IL12RB1: variants seen among roughly 807,000 people sequenced by gnomAD.
The protein encoded by IL12RB1 is interleukin 12 receptor subunit beta 1.
IL12RB1 carries 64 observed loss-of-function variants against 94.4 expected under a neutral mutation model. The observed-to-expected ratio is 0.68, with a 90% CI of 0.55 to 0.83. The LOEUF (loss-of-function observed/expected upper bound fraction) is 0.83, where lower values mean the gene tolerates loss of function less well. Ranked by LOEUF, IL12RB1 falls within the 40% of genes least tolerant of loss-of-function variation. IL12RB1 has a pLI of 0.00. For synonymous variants in IL12RB1, 362 were observed against 355.5 expected, an observed-to-expected ratio of 1.02 and a Z score of -0.21; for missense variants, 814 against 855.6, an observed-to-expected ratio of 0.95 and a Z score of 0.61.
At chr19:18,081,253 A>G (rs1403359341) in intron 3 of IL12RB1, among the ~76,000 whole-genome samples, 4 of 151,594 alleles carry the variant, frequency 2.6e-5, no homozygotes, top group Non-Finnish European at 4.4e-5. Flanking sequence ...ATGCCACCAC[A>G]TGCGTCTAAG....
Position 18,086,915 on chromosome 19 carries a change from C to T in IL12RB1, c.-92G>A. ...GTCCCCACTCCGGAACACATTGAAG[C>T]TGAGCAAGGAGAAAAGACTGAAAAA... is the stretch of plus-strand genomic sequence containing the variant. On this transcript the variant is annotated 5_prime_UTR_variant, in exon 1 of 17. Coordinates refer to ENST00000593993, the MANE Select transcript of IL12RB1 (RefSeq NM_005535.3). 1 of 1,566,176 alleles carries T rather than the reference C, an allele frequency of 6.4e-7. No individual in the cohort carries two copies. The highest frequency in any genetic ancestry group is 8.7e-7 in the Non-Finnish European group (1 of 1,154,646).
chr19:18,094,887 T>G (rs773087115), intron 1 of IL12RB1, among the ~76,000 whole-genome samples: 1 of 151,790 alleles, frequency 6.6e-6, no homozygotes, highest in African/African-American at 2.4e-5. Context: ...CCAAAATATA[T>G]CCACAAAGGC....
At chr19:18,059,836 C>A in intron 16 of IL12RB1, 58 bp downstream of exon 16, 1 of 1,014,146 alleles carries the variant, frequency 9.9e-7, no homozygotes, top group South Asian at 1.4e-5. Context: ...ATGTCTAGCC[C>A]CCCCACCCCC....
intron 9 of IL12RB1, 113 bp downstream of exon 9, chr19:18,071,999 C>G: frequency 1.3e-6 from 1 of 751,668 alleles, no homozygotes; most frequent in Non-Finnish European, 2.4e-6. Flanking sequence ...CTAAATCAGG[C>G]ACTCCTTTAA....
chr19:18,089,573 C>G (rs988185098), upstream of IL12RB1, among the ~76,000 whole-genome samples: 1 of 147,720 alleles, frequency 6.8e-6, no homozygotes, highest in Non-Finnish European at 1.5e-5. Flanking sequence ...TGCAGTGAGC[C>G]GAGATCACAC....
At chr19:18,073,767 TC>T (rs568807440) in intron 7 of IL12RB1, among the ~76,000 whole-genome samples, 168 bp from the exon 8 acceptor site, 1 of 152,218 alleles carries the variant, frequency 6.6e-6, no homozygotes, top group Non-Finnish European at 1.5e-5. Context: ...ACAATTTGCA[TC>T]CCCAGGGATA....
intron 11 of IL12RB1, among the ~76,000 whole-genome samples, chr19:18,068,053 T>C (rs1246044663): frequency 8.9e-6 from 1 of 112,162 alleles, no homozygotes; most frequent in East Asian, 2.8e-4. Context: ...TGAGACAGAG[T>C]CTTGCTCTGT....
Position 18,072,338 on chromosome 19 carries a change from C to T in IL12RB1, c.795G>A (p.Leu265=), listed in dbSNP as rs1354576396. ...RLTLKEQPTQ[L]ELPEGCQGLA... ...GCCCTTGACAGCCTTCTGGAAGCTC[C>T]AGCTGGGTTGGCTGTCAGGAGTATG... Residue 265 remains leucine (L), a synonymous_variant, in exon 9 of 17, where the codon CTG becomes CTA. Transcript: ENST00000593993. The T allele has an allele frequency of 6.2e-7, 1 of 1,613,422 alleles. No individual in the cohort carries two copies. Among genetic ancestry groups the T allele is most frequent in the East Asian group, 2.2e-5 (1 of 44,868 alleles).
intron 1 of IL12RB1, chr19:18,097,847 G>C (rs941954201): frequency 8.1e-7 from 1 of 1,227,502 alleles, no homozygotes; most frequent in South Asian, 4.1e-5. Context: ...GCCCCTGCGC[G>C]GGCGGGCGGA....
At chr19:18,096,335 A>G (rs2036928062) in intron 1 of IL12RB1, among the ~76,000 whole-genome samples, 1 of 152,080 alleles carries the variant, frequency 6.6e-6, no homozygotes, top group African/African-American at 2.4e-5. Context: ...GAGTAGAACA[A>G]TTATCTTCAA....
intron 1 of IL12RB1, among the ~76,000 whole-genome samples, chr19:18,083,848 C>T (rs561590062): frequency 4.0e-5 from 6 of 151,008 alleles, no homozygotes; most frequent in African/African-American, 9.8e-5. Context: ...TGTACTCATC[C>T]ATCCATCCAC....
At chr19:18,076,876 G>A (rs1033537696) in intron 5 of IL12RB1, among the ~76,000 whole-genome samples, 2 of 152,052 alleles carry the variant, frequency 1.3e-5, no homozygotes, top group Admixed American at 6.6e-5. Context: ...GTGGGATCCT[G>A]GATTGAATCT....
In IL12RB1 at chr19:18,077,657, T is replaced by C. The variant is rs1397489441; in HGVS notation, c.410-2A>G. 6.3e-7 allele frequency: 1 copy of C among 1,584,590 alleles called. No homozygotes were observed. Among genetic ancestry groups the C allele is most frequent in the Non-Finnish European group, 8.7e-7 (1 of 1,153,148 alleles). On this transcript the variant is annotated splice_acceptor_variant, in intron 4 of 16. Coordinates refer to ENST00000593993, the MANE Select transcript of IL12RB1 (RefSeq NM_005535.3). LOFTEE classifies it high-confidence loss of function. ...CTCCCAGAGGAGGCTCATATTTAAC[T>C]GGAAGCAGAGGTAGGGATTGGCGAG...
chr19:18,097,774 C>A (rs1466060918), intron 1 of IL12RB1: 2 of 1,210,458 alleles, frequency 1.7e-6, no homozygotes, highest in Non-Finnish European at 1.0e-6. Context: ...GCGGGCCTGG[C>A]GGCGCGGACT....
In IL12RB1 at chr19:18,082,255, G is replaced by A. The variant is rs150070244; in HGVS notation, c.134C>T (p.Ser45Leu). 39 of 1,607,114 alleles carry A rather than the reference G, an allele frequency of 2.4e-5. No homozygotes were observed. The highest frequency in any genetic ancestry group is 2.9e-5 in the Non-Finnish European group (34 of 1,174,820). Reference protein sequence around the residue: ...PYPDADSGSASGPRDLRCYRI... With the variant: ...PYPDADSGSALGPRDLRCYRI... ...ATAGCATCTCAGGTCCCTAGGGCCCGAGGCCGAGCCTGGAAGAGATCCTGT... is the reference window on the plus strand; with the variant it reads ...ATAGCATCTCAGGTCCCTAGGGCCCAAGGCCGAGCCTGGAAGAGATCCTGT... The change falls in exon 3 of 17, where the codon TCG (serine) becomes TTG (leucine). Residue 45 changes from serine (S) to leucine (L), a missense_variant. Ser to Leu is a moderately radical substitution (Grantham distance 145). Transcript: ENST00000593993.
chr19:18,098,434 G>C (rs1441441375), intron 1 of IL12RB1, among the ~76,000 whole-genome samples: 2 of 152,112 alleles, frequency 1.3e-5, no homozygotes, highest in Non-Finnish European at 2.9e-5. Context: ...GTGTGACCTG[G>C]GGGGAGGGCA....
chr19:18,092,493 AAAAAT>A (rs1314590832), intron 1 of IL12RB1, among the ~76,000 whole-genome samples: 2 of 151,822 alleles, frequency 1.3e-5, no homozygotes, highest in Non-Finnish European at 2.9e-5. Flanking sequence ...TCTGTCTCAA[AAAAAT>A]AAAATAAAAT....
Position 18,059,996 on chromosome 19 carries a change from C to G in IL12RB1, c.1881G>C (p.Glu627Asp). The G allele has an allele frequency of 6.2e-7, 1 of 1,601,910 alleles. No homozygotes were observed. The highest frequency in any genetic ancestry group is 1.3e-5 in the African/African-American group (1 of 74,736). The change falls in exon 16 of 17, where the codon GAG (glutamate) becomes GAC (aspartate). Residue 627 changes from glutamate to aspartate, a missense_variant. Physicochemically the swap from Glu to Asp is conservative, Grantham distance 45. Coordinates refer to ENST00000593993, the MANE Select transcript of IL12RB1 (RefSeq NM_005535.3). The part of the protein sequence containing the change: ...LVVEMSWDKG[E>D]RTEPLEKTEL... ...CTGTCTTCTCGAGAGGCTCAGTCCT[C>G]TCGCCTTTGTCCCAGGACATCTCTA...
chr19:18,085,058 C>T (rs763727732), intron 1 of IL12RB1, among the ~76,000 whole-genome samples: 1 of 152,202 alleles, frequency 6.6e-6, no homozygotes, highest in Non-Finnish European at 1.5e-5. Flanking sequence ...CCCTCAGCCA[C>T]TGGGATCCCC....
Sources: allele counts gnomAD v4.1 joint callset (sites outside exome capture counted in the v4.1 genomes callset), GRCh38; gene constraint gnomAD v4.1.1; transcripts MANE v1.5; gene names NCBI Gene and HGNC (gene_info 2026-07-23, HGNC 2026-07-21).